Variants in NEK10 observed in about 807,000 individuals in gnomAD.
The protein encoded by NEK10 is serine/threonine-protein kinase Nek10.
Under a neutral mutation model 159.8 loss-of-function variants are expected in NEK10, and 122 were observed. The ratio of observed to expected loss-of-function variants is 0.76; its 90% confidence interval spans 0.66 to 0.89. The LOEUF is 0.89. NEK10 is among the 40% of genes least tolerant of loss of function. The probability of loss-of-function intolerance (pLI) is 0.00; values close to 1 mark genes in which losing one functional copy is unlikely to be tolerated. For missense variants in NEK10, 1,342 were observed against 1,323.1 expected (o/e 1.01, Z -0.22); for synonymous variants, 466 against 457.1 (o/e 1.02, Z -0.25).
At chr3:27,214,313 G>A (rs989812032) in intron 23 of NEK10, among the ~76,000 whole-genome samples, 1 of 152,160 alleles carries the variant, frequency 6.6e-6, no homozygotes, top group African/African-American at 2.4e-5. Context: ...GACGGGTCAC[G>A]GTCCTCACAT....
chr3:27,117,611 C>T (rs990862823), intron 33 of NEK10, among the ~76,000 whole-genome samples: 19 of 152,154 alleles, frequency 1.2e-4, no homozygotes, highest in African/African-American at 4.3e-4. Context: ...TGTTTGTTGG[C>T]CGCATAAATG....
intron 30 of NEK10, among the ~76,000 whole-genome samples, chr3:27,160,716 G>A (rs1945938913): frequency 1.3e-5 from 2 of 152,198 alleles, no homozygotes; most frequent in Admixed American, 1.3e-4. Context: ...GACCAGCCTG[G>A]CCAATATGGA....
intron 26 of NEK10, among the ~76,000 whole-genome samples, chr3:27,178,604 T>C (rs903950729): frequency 2.6e-5 from 4 of 152,232 alleles, no homozygotes; most frequent in African/African-American, 9.6e-5. Flanking sequence ...CATTCTATGC[T>C]TTTCATGGAT....
At chr3:27,339,126 G>T (rs73055725) in intron 5 of NEK10, among the ~76,000 whole-genome samples, 7,700 of 152,202 alleles carry the variant, frequency 0.051, 248 homozygotes, top group Middle Eastern at 0.092. Flanking sequence ...ATTAAAAAGT[G>T]GGCAAAGTTG....
chr3:27,327,917 C>A (rs779600919), intron 5 of NEK10, among the ~76,000 whole-genome samples: 1 of 142,344 alleles, frequency 7.0e-6, no homozygotes, highest in Non-Finnish European at 1.5e-5. Flanking sequence ...AAGTAAAATT[C>A]ACATCTATGC....
At chr3:27,238,747 G>C (rs28684989) in intron 23 of NEK10, among the ~76,000 whole-genome samples, 1 of 6,414 alleles carries the variant, frequency 1.6e-4, no homozygotes, top group Non-Finnish European at 3.5e-4. Flanking sequence ...CTCCCCTTTC[G>C]TGTGTGTGTG....
intron 23 of NEK10, among the ~76,000 whole-genome samples, chr3:27,237,301 C>T (rs1386684484): frequency 2.0e-5 from 3 of 151,828 alleles, no homozygotes; most frequent in Non-Finnish European, 2.9e-5. Context: ...CCTGAGGTGA[C>T]GTACATTCTC....
chr3:27,141,630 A>G, intron 30 of NEK10, 48 bp from the exon 31 acceptor site: 1 of 1,409,662 alleles, frequency 7.1e-7, no homozygotes, highest in Non-Finnish European at 9.9e-7. Flanking sequence ...TTCAAAAGTT[A>G]CATTAGTGAA....
At chr3:27,272,047 C>G (rs2041403098) in intron 22 of NEK10, among the ~76,000 whole-genome samples, 1 of 152,176 alleles carries the variant, frequency 6.6e-6, no homozygotes, top group South Asian at 2.1e-4. Context: ...ACTTACCTTA[C>G]TGTTTGCAAA....
At chr3:27,335,095 T>C (rs929903760) in intron 5 of NEK10, among the ~76,000 whole-genome samples, 1 of 151,942 alleles carries the variant, frequency 6.6e-6, no homozygotes. Context: ...TCCCAGCACT[T>C]TGGGAGGCGG....
intron 15 of NEK10, among the ~76,000 whole-genome samples, chr3:27,295,303 T>C (rs543454207): frequency 6.6e-6 from 1 of 152,272 alleles, no homozygotes; most frequent in South Asian, 2.1e-4. Flanking sequence ...GCAAATAATT[T>C]TCCCCCTGTT....
At chr3:27,363,133 C>T (rs765790689) in intron 1 of NEK10, among the ~76,000 whole-genome samples, 5 of 152,142 alleles carry the variant, frequency 3.3e-5, no homozygotes, top group Admixed American at 6.5e-5. Flanking sequence ...TGAATATCCC[C>T]AGGCCTTTAC....
At chr3:27,273,859 G>T (rs2041564277) in intron 22 of NEK10, among the ~76,000 whole-genome samples, 1 of 152,020 alleles carries the variant, frequency 6.6e-6, no homozygotes, top group South Asian at 2.1e-4. Flanking sequence ...TCTCAGTGCA[G>T]GAGTCAGTGA....
chr3:27,251,380 G>T (rs1297014788), intron 23 of NEK10, among the ~76,000 whole-genome samples: 1 of 152,224 alleles, frequency 6.6e-6, no homozygotes, highest in Non-Finnish European at 1.5e-5. Flanking sequence ...GATCATGGGG[G>T]TGGATTTCTC....
intron 23 of NEK10, among the ~76,000 whole-genome samples, chr3:27,205,792 G>A (rs1950494863): frequency 7.2e-6 from 1 of 139,082 alleles, no homozygotes; most frequent in Non-Finnish European, 1.5e-5. Context: ...CAGGACATAG[G>A]CATGGGCAAG....
chr3:27,206,759 A>G (rs1950579637), intron 23 of NEK10: 2 of 287,404 alleles, frequency 7.0e-6, no homozygotes, highest in Non-Finnish European at 1.0e-5. Flanking sequence ...TTTATAAATT[A>G]GAGTGGAGAA....
intron 3 of NEK10, among the ~76,000 whole-genome samples, chr3:27,350,710 G>GA (rs572235311): frequency 9.9e-5 from 15 of 151,928 alleles, no homozygotes; most frequent in South Asian, 6.2e-4. Flanking sequence ...GTTAAAGGGG[G>GA]AAAAAAATCA....
rs1484896961 is a variant in NEK10 at position 27,314,476 on chromosome 3, A to G, written c.448-138T>C. Reference sequence around the variant, plus strand: ...TCTACATTCTAATATAAATACGGAAAACTTACAGTATGTCATTCATACTAC... The same window carrying G: ...TCTACATTCTAATATAAATACGGAAGACTTACAGTATGTCATTCATACTAC... On this transcript the variant is annotated intron_variant, in intron 6 of 35. Transcript: ENST00000691995. The G allele has an allele frequency of 1.3e-5, 8 of 636,472 alleles. No homozygotes were observed. The East Asian group carries it at 2.2e-4, about 17-fold the overall frequency. 39.4% of individuals were successfully genotyped at this position (636,472 alleles called of 1,614,324 possible). A position where few individuals can be genotyped will look rare whatever the true frequency, so the allele number is the denominator to read the frequency against.
At chr3:27,215,044 T>A in intron 23 of NEK10, 1 of 593,094 alleles carries the variant, frequency 1.7e-6, no homozygotes, top group Non-Finnish European at 3.2e-6. Flanking sequence ...CGCCTCCAGC[T>A]TTCCTCTTGG....
Sources: allele counts gnomAD v4.1 joint callset (sites outside exome capture counted in the v4.1 genomes callset), GRCh38; gene constraint gnomAD v4.1.1; transcripts MANE v1.5; gene names NCBI Gene and HGNC (gene_info 2026-07-23, HGNC 2026-07-21).